Variants in GALNT14 observed in about 807,000 individuals in gnomAD.
GALNT14 encodes the protein polypeptide N-acetylgalactosaminyltransferase 14, also known as UDP-GalNAc:polypeptide N-acetylgalactosaminyltransferase 14.
GALNT14 carries 60 observed loss-of-function variants against 77.5 expected under a neutral mutation model. That is an observed-to-expected ratio of 0.77 (90% confidence interval 0.63 to 0.96). GALNT14 has a LOEUF of 0.96. Ranked by LOEUF, GALNT14 falls within the 40% of genes least tolerant of loss-of-function variation. The probability of loss-of-function intolerance (pLI) is 0.00; values close to 1 mark genes in which losing one functional copy is unlikely to be tolerated. For synonymous variants in GALNT14, 280 were observed against 281.7 expected (o/e 0.99, Z 0.06); for missense variants, 710 against 731.0 (o/e 0.97, Z 0.33).
At chr2:31,050,375 C>T (rs1673764841) in intron 1 of GALNT14, among the ~76,000 whole-genome samples, 1 of 152,144 alleles carries the variant, frequency 6.6e-6, no homozygotes, top group African/African-American at 2.4e-5. Context: ...GGTTAGGCCT[C>T]TGAACACAGA....
chr2:31,133,243 C>T (rs1679069940), intron 1 of GALNT14, among the ~76,000 whole-genome samples: 1 of 152,218 alleles, frequency 6.6e-6, no homozygotes, highest in African/African-American at 2.4e-5. Context: ...TACATTGGCT[C>T]TGTCTAGGAA....
chr2:30,909,888 T>G (rs540916931), downstream of GALNT14, among the ~76,000 whole-genome samples: 1,848 of 151,710 alleles, frequency 0.012, 24 homozygotes, highest in Non-Finnish European at 0.015. Context: ...CCATAAAAAA[T>G]GATGAGTGCA....
chr2:30,973,692 T>C (rs1668485798), intron 2 of GALNT14, among the ~76,000 whole-genome samples: 1 of 152,226 alleles, frequency 6.6e-6, no homozygotes, highest in Admixed American at 6.5e-5. Context: ...TGGGCAACAC[T>C]GATACACTGT....
intron 1 of GALNT14, among the ~76,000 whole-genome samples, chr2:31,045,636 C>T (rs12617982): frequency 0.75 from 113,823 of 151,844 alleles, 42,921 homozygotes; most frequent in East Asian, 0.99. Flanking sequence ...CTAATTTTTG[C>T]ATTTTTTGTA....
the GALNT14 span, among the ~76,000 whole-genome samples, chr2:30,893,773 T>TTA: frequency 6.9e-6 from 1 of 145,024 alleles, no homozygotes; most frequent in African/African-American, 2.5e-5. Flanking sequence ...TTACCTTGAT[T>TTA]AAAAAAAAAA....
intron 1 of GALNT14, among the ~76,000 whole-genome samples, chr2:31,061,865 T>C (rs535300713): frequency 9.8e-5 from 15 of 152,308 alleles, no homozygotes; most frequent in Admixed American, 3.3e-4. Context: ...TGAGAACTCA[T>C]TACCACATCT....
chr2:31,026,423 C>G (rs1371772062), intron 1 of GALNT14, among the ~76,000 whole-genome samples: 1 of 152,158 alleles, frequency 6.6e-6, no homozygotes, highest in Non-Finnish European at 1.5e-5. Context: ...TAATTGGATG[C>G]AGAGTGTCTT....
At chr2:31,010,422 AC>A (rs1670951780) in intron 1 of GALNT14, among the ~76,000 whole-genome samples, 1 of 152,116 alleles carries the variant, frequency 6.6e-6, no homozygotes, top group Non-Finnish European at 1.5e-5. Flanking sequence ...ACACGGTAAA[AC>A]CCCATCTCTA....
At chr2:31,048,598 TCCTGCCTCC>T (rs371848141) in intron 1 of GALNT14, among the ~76,000 whole-genome samples, 7 of 114,036 alleles carry the variant, frequency 6.1e-5, no homozygotes, top group African/African-American at 1.0e-4. Context: ...CCACCCCCAC[TCCTGCCTCC>T]CCTGCCTCCC....
intron 1 of GALNT14, among the ~76,000 whole-genome samples, chr2:31,033,123 C>T (rs1672515010): frequency 6.6e-6 from 1 of 152,144 alleles, no homozygotes; most frequent in African/African-American, 2.4e-5. Flanking sequence ...GCTGCTTCTC[C>T]CAATACTCAG....
Position 30,910,788 on chromosome 2 carries a change from C to G in GALNT14, c.*113G>C. ...CTGTCCTGGGGGGCTCTGCCTCCAC[C>G]TCCCAGTCCAGGATGTCTGAGGTGG... On this transcript the variant is annotated 3_prime_UTR_variant, in exon 15 of 15. Coordinates refer to ENST00000349752, the MANE Select transcript of GALNT14 (RefSeq NM_024572.4). 8.3e-7 allele frequency: 1 copy of G among 1,197,620 alleles called. No individual in the cohort carries two copies. Among genetic ancestry groups the G allele is most frequent in the Admixed American group, 2.4e-5 (1 of 42,484 alleles). 74.2% of individuals were successfully genotyped at this position (1,197,620 alleles called of 1,614,324 possible).
chr2:31,036,782 G>A (rs1301828217), intron 1 of GALNT14, among the ~76,000 whole-genome samples: 1 of 152,108 alleles, frequency 6.6e-6, no homozygotes, highest in Non-Finnish European at 1.5e-5. Context: ...TGAAATTCTT[G>A]GTTGACAGTC....
chr2:31,071,791 G>A lies in GALNT14; in HGVS notation c.129+66167C>T, dbSNP rs116407050. Among the ~76,000 whole-genome samples the A allele has an allele frequency of 4.6e-3, 706 of 152,316 alleles. 5 individuals are homozygous for A. Among genetic ancestry groups the A allele is most frequent in the Non-Finnish European group, 7.1e-3 (483 of 68,038 alleles). ...GGGTTTCTGGGCTCTGGGGCAGGAC[G>A]GACTGCAGAGTTTATAAGGCTAAGT... On this transcript the variant is annotated intron_variant, in intron 1 of 14. Coordinates refer to ENST00000349752, the MANE Select transcript of GALNT14 (RefSeq NM_024572.4).
chr2:30,966,169 C>A, intron 3 of GALNT14, 35 bp downstream of exon 3: 1 of 1,558,052 alleles, frequency 6.4e-7, no homozygotes, highest in South Asian at 1.1e-5. Context: ...AGTGCTGGCC[C>A]AGAGCTGGCC....
intron 1 of GALNT14, among the ~76,000 whole-genome samples, chr2:31,010,786 T>TCC (rs1163336942): frequency 3.3e-5 from 5 of 152,214 alleles, no homozygotes; most frequent in South Asian, 4.1e-4. Context: ...CTCATTATGT[T>TCC]CCAGCCACAC....
chr2:30,953,502 G>C (rs1353536003), intron 6 of GALNT14, among the ~76,000 whole-genome samples: 1 of 152,044 alleles, frequency 6.6e-6, no homozygotes, highest in Non-Finnish European at 1.5e-5. Flanking sequence ...TAGAGACAGG[G>C]TTTCGCCATG....
intron 1 of GALNT14, among the ~76,000 whole-genome samples, chr2:31,036,799 T>C (rs1318934940): frequency 6.6e-6 from 1 of 152,340 alleles, no homozygotes; most frequent in East Asian, 1.9e-4. Context: ...AGTCTTTTTC[T>C]TTCAGCATTT....
rs913419301 is a variant in GALNT14, at chr2:30,912,358, C to A, written c.1381-16G>T. ...AGGCCCATACCTGGGGAGAAAGAGA[C>A]CAGGAAGGTTTGTTCAGGATCCAGG... On this transcript the variant is annotated splice_polypyrimidine_tract_variant and intron_variant, in intron 13 of 14. Transcript: ENST00000349752. 25 of 1,613,060 alleles carry A rather than the reference C, an allele frequency of 1.5e-5. No individual in the cohort carries two copies. The highest frequency in any genetic ancestry group is 1.2e-4 in the South Asian group (11 of 90,884).
At chr2:30,999,932 T>C (rs1670260110) in intron 1 of GALNT14, among the ~76,000 whole-genome samples, 1 of 152,210 alleles carries the variant, frequency 6.6e-6, no homozygotes, top group Admixed American at 6.5e-5. Flanking sequence ...CATCCTTTCA[T>C]GCTCCTCCCC....
Sources: allele counts gnomAD v4.1 joint callset (sites outside exome capture counted in the v4.1 genomes callset), GRCh38; gene constraint gnomAD v4.1.1; transcripts MANE v1.5; gene names NCBI Gene and HGNC (gene_info 2026-07-23, HGNC 2026-07-21).